The following MAML2 variants were observed in gnomAD, a reference collection of about 807,000 sequenced individuals.
MAML2 encodes mastermind-like protein 2.
In MAML2, 22 loss-of-function variants were observed where a neutral mutation model predicts 96.1. That is an observed-to-expected ratio of 0.23 (90% CI 0.16 to 0.33). MAML2 has a LOEUF of 0.33. Ranked by LOEUF, MAML2 falls within the 10% of genes least tolerant of loss-of-function variation. MAML2 has a pLI of 1.00. For missense variants in MAML2, 1,367 were observed against 1,392.4 expected, an observed-to-expected ratio of 0.98 and a Z score of 0.29; for synonymous variants, 561 against 521.3, an observed-to-expected ratio of 1.08 and a Z score of -1.04.
intron 3 of MAML2, among the ~76,000 whole-genome samples, chr11:95,988,161 GAGAA>G (rs1447104144): frequency 2.0e-5 from 3 of 151,968 alleles, no homozygotes; most frequent in African/African-American, 7.2e-5. Flanking sequence ...GAGAGTGAGA[GAGAA>G]AGAGAGAGAT....
intron 1 of MAML2, among the ~76,000 whole-genome samples, chr11:96,270,865 G>C (rs1441307728): frequency 6.6e-6 from 1 of 152,186 alleles, no homozygotes; most frequent in Non-Finnish European, 1.5e-5. Context: ...ATTTGAGTCA[G>C]TGGATCGGGA....
At chr11:96,094,053 T>G (rs938604422) in intron 1 of MAML2, among the ~76,000 whole-genome samples, 1 of 152,074 alleles carries the variant, frequency 6.6e-6, no homozygotes, top group African/African-American at 2.4e-5. Context: ...ATTAGAATAG[T>G]TCTCAGGCCT....
chr11:96,222,574 A>G (rs1204059010), intron 1 of MAML2, among the ~76,000 whole-genome samples: 1 of 152,264 alleles, frequency 6.6e-6, no homozygotes, highest in African/African-American at 2.4e-5. Context: ...GCACGAATGC[A>G]AGGGATAATG....
At position 96,083,159 on chromosome 11, in the gene MAML2, C is replaced by G. The variant is rs145708264; in HGVS notation, c.2139+8733G>C. Among the ~76,000 whole-genome samples, 728 of 152,294 alleles carry G rather than the reference C, an allele frequency of 4.8e-3. 8 individuals carry two copies. The highest frequency in any genetic ancestry group is 0.016 in the African/African-American group (657 of 41,546). On this transcript the variant is annotated intron_variant, in intron 2 of 4. Transcript: ENST00000524717. ...TTCTGATGTCGGTAGGAGCTGCCCCCCTCCAGTGTGTTCTTTATCCTGCTA... is the reference window on the plus strand; with the variant it reads ...TTCTGATGTCGGTAGGAGCTGCCCCGCTCCAGTGTGTTCTTTATCCTGCTA...
At chr11:96,208,293 G>A (rs1037409294) in intron 1 of MAML2, among the ~76,000 whole-genome samples, 11 of 152,162 alleles carry the variant, frequency 7.2e-5, no homozygotes, top group Admixed American at 5.2e-4. Context: ...AACTTGACAG[G>A]GCACCTGCTT....
At chr11:96,054,433 T>A (rs1380713847) in intron 2 of MAML2, among the ~76,000 whole-genome samples, 1 of 152,020 alleles carries the variant, frequency 6.6e-6, no homozygotes, top group Non-Finnish European at 1.5e-5. Flanking sequence ...ACAACAGCAG[T>A]TATACAGAAC....
intron 1 of MAML2, among the ~76,000 whole-genome samples, chr11:96,097,274 A>T (rs1320183717): frequency 6.6e-6 from 1 of 152,260 alleles, no homozygotes; most frequent in East Asian, 1.9e-4. Context: ...CCAACTTACC[A>T]GAACAAGAAT....
At chr11:96,255,935 G>A (rs964052221) in intron 1 of MAML2, among the ~76,000 whole-genome samples, 42 of 142,232 alleles carry the variant, frequency 3.0e-4, no homozygotes, top group Non-Finnish European at 4.8e-4. Flanking sequence ...GTGCAATGGC[G>A]CGATCTTGGC....
At chr11:96,329,124 G>T (rs1288456124) in intron 1 of MAML2, among the ~76,000 whole-genome samples, 1 of 151,972 alleles carries the variant, frequency 6.6e-6, no homozygotes, top group Non-Finnish European at 1.5e-5. Context: ...TTCACAAGGG[G>T]TAATCGCTTG....
intron 1 of MAML2, among the ~76,000 whole-genome samples, chr11:96,235,030 C>A (rs1278542018): frequency 1.3e-5 from 2 of 152,074 alleles, no homozygotes; most frequent in East Asian, 1.9e-4. Context: ...TCATAAACAA[C>A]CTTTTCTCAA....
At chr11:96,020,159 C>A (rs946909385) in intron 2 of MAML2, among the ~76,000 whole-genome samples, 1 of 152,070 alleles carries the variant, frequency 6.6e-6, no homozygotes, top group African/African-American at 2.4e-5. Flanking sequence ...TTTTCTGGAC[C>A]CTTACTTCAC....
intron 2 of MAML2, among the ~76,000 whole-genome samples, chr11:95,998,641 A>G (rs757137659): frequency 2.0e-5 from 3 of 152,128 alleles, no homozygotes; most frequent in Admixed American, 6.6e-5. Flanking sequence ...CCACTTGACT[A>G]TATTTTTAAG....
At chr11:96,207,146 A>T (rs138573020) in intron 1 of MAML2, among the ~76,000 whole-genome samples, 1 of 152,308 alleles carries the variant, frequency 6.6e-6, no homozygotes, top group East Asian at 1.9e-4. Context: ...CACCAGTTAG[A>T]CTTCTCTATT....
chr11:96,263,420 ATT>A (rs1448578718), intron 1 of MAML2, among the ~76,000 whole-genome samples: 1 of 152,246 alleles, frequency 6.6e-6, no homozygotes, highest in East Asian at 1.9e-4. Context: ...AATATTAGTC[ATT>A]GTTATTTCAC....
chr11:96,320,096 C>T (rs1446233315), intron 1 of MAML2, among the ~76,000 whole-genome samples: 1 of 152,178 alleles, frequency 6.6e-6, no homozygotes. Context: ...GCAAACTAGA[C>T]ACAACTCCAA....
chr11:96,157,758 T>C (rs1229969093), intron 1 of MAML2, among the ~76,000 whole-genome samples: 1 of 152,240 alleles, frequency 6.6e-6, no homozygotes, highest in Non-Finnish European at 1.5e-5. Context: ...TAGATAAAGC[T>C]TGTACATGTG....
At chr11:96,068,774 G>A (rs1283468551) in intron 2 of MAML2, among the ~76,000 whole-genome samples, 1 of 150,538 alleles carries the variant, frequency 6.6e-6, no homozygotes, top group Non-Finnish European at 1.5e-5. Flanking sequence ...AGCTTGCAGT[G>A]AGCTGAGATG....
chr11:96,084,197 C>A (rs1859571556), intron 2 of MAML2, among the ~76,000 whole-genome samples: 1 of 152,102 alleles, frequency 6.6e-6, no homozygotes, highest in Non-Finnish European at 1.5e-5. Flanking sequence ...GGAATGAAAA[C>A]CAATGACTTT....
intron 1 of MAML2, among the ~76,000 whole-genome samples, chr11:96,340,199 C>T (rs1863973537): frequency 6.6e-6 from 1 of 152,226 alleles, no homozygotes; most frequent in Non-Finnish European, 1.5e-5. Flanking sequence ...CTCCCGAGAG[C>T]TCAATATCAA....
Sources: gnomAD v4.1 joint callset for allele counts (sites outside exome capture counted in the v4.1 genomes callset) on GRCh38, gnomAD v4.1.1 for gene constraint, MANE v1.5 for transcripts, NCBI Gene and HGNC (gene_info 2026-07-23, HGNC 2026-07-21) for gene names.